TBC1D5: variants seen among roughly 807,000 people sequenced by gnomAD.
TBC1D5 encodes the protein TBC1 domain family, member 5.
In TBC1D5, 75 loss-of-function variants were observed where a neutral mutation model predicts 100.3. The ratio of observed to expected loss-of-function variants is 0.75; its 90% CI spans 0.62 to 0.91. The LOEUF (loss-of-function observed/expected upper bound fraction) is 0.91. Ranked by LOEUF, TBC1D5 falls within the 40% of genes least tolerant of loss-of-function variation. TBC1D5 has a pLI of 0.00. For missense variants in TBC1D5, 910 were observed against 942.4 expected (o/e 0.97, Z 0.45); for synonymous variants, 323 against 325.6 (o/e 0.99, Z 0.09).
rs557440858 is a variant in TBC1D5, at chr3:17,735,806, G to A, written c.-101+3537C>T. On this transcript the variant is annotated intron_variant, in intron 1 of 21. Transcript: ENST00000253692. Reference sequence around the variant, plus strand: ...GGGTGGAAGTCAGCAGCAGGTGTGCGACGACAGCAAACAGCAGTGGTGGAT... The same window carrying A: ...GGGTGGAAGTCAGCAGCAGGTGTGCAACGACAGCAAACAGCAGTGGTGGAT... Among the ~76,000 whole-genome samples the A allele has an allele frequency of 5.3e-5, 8 of 152,330 alleles. No homozygotes were observed. The South Asian group carries it at 1.5e-3, about 28-fold the overall frequency.
At chr3:17,742,031 T>C (rs1394781075), upstream of TBC1D5, among the ~76,000 whole-genome samples, 2 of 151,970 alleles carry the variant, frequency 1.3e-5, no homozygotes, top group Non-Finnish European at 2.9e-5. Context: ...AACATGGAAA[T>C]TTACTAAGTA....
intron 9 of TBC1D5, among the ~76,000 whole-genome samples, chr3:17,380,445 G>A (rs1992736): frequency 0.76 from 115,559 of 151,812 alleles, 45,021 homozygotes; most frequent in African/African-American, 0.94. Context: ...TTACATAGAC[G>A]TCTTTAAAAG....
rs530272064 is a variant in TBC1D5 at position 17,588,492 on chromosome 3, G to C, written c.-36+35357C>G. 2.0e-5 allele frequency among the ~76,000 whole-genome samples: 3 copies of C among 152,188 alleles called. No individual in the cohort carries two copies. In the East Asian group the frequency reaches 5.8e-4, roughly 29 times the overall value. ...CATGCACATACAAAAATTATTGTCA[G>C]TGTATAAGTTACTGCTGCCCTGGGA... On this transcript the variant is annotated intron_variant, in intron 2 of 21. Coordinates refer to ENST00000253692, the Ensembl canonical transcript of TBC1D5.
intron 13 of TBC1D5, among the ~76,000 whole-genome samples, chr3:17,311,085 GGAAA>G (rs1371885670): frequency 6.6e-6 from 1 of 151,846 alleles, no homozygotes; most frequent in Non-Finnish European, 1.5e-5. Flanking sequence ...TTATATTCTT[GGAAA>G]GAAAAACTTA....
chr3:17,602,126 C>G (rs897084992), intron 2 of TBC1D5, among the ~76,000 whole-genome samples: 1 of 152,164 alleles, frequency 6.6e-6, no homozygotes, highest in South Asian at 2.1e-4. Flanking sequence ...CCATTGCGCC[C>G]GGCCAATAAG....
chr3:17,598,174 G>T (rs1159390238), intron 2 of TBC1D5, among the ~76,000 whole-genome samples: 1 of 152,164 alleles, frequency 6.6e-6, no homozygotes, highest in Non-Finnish European at 1.5e-5. Flanking sequence ...AGAAGCTGCA[G>T]ATTCAACTTG....
chr3:17,351,336 C>T (rs769837793), intron 13 of TBC1D5, among the ~76,000 whole-genome samples: 2 of 152,066 alleles, frequency 1.3e-5, no homozygotes, highest in Non-Finnish European at 1.5e-5. Flanking sequence ...AACCCAAATG[C>T]CCTTCAATGT....
chr3:17,604,000 T>C (rs1055125232), intron 2 of TBC1D5, among the ~76,000 whole-genome samples: 8 of 152,222 alleles, frequency 5.3e-5, no homozygotes, highest in Non-Finnish European at 1.2e-4. Flanking sequence ...AGCTTATTCT[T>C]GAATTCCTTC....
chr3:17,621,958 G>A (rs2062693717), intron 2 of TBC1D5, among the ~76,000 whole-genome samples: 1 of 152,074 alleles, frequency 6.6e-6, no homozygotes, highest in African/African-American at 2.4e-5. Context: ...CAAACACTAA[G>A]AACAGTCAGT....
At chr3:17,486,524 G>A (rs915767126) in intron 3 of TBC1D5, among the ~76,000 whole-genome samples, 1 of 152,114 alleles carries the variant, frequency 6.6e-6, no homozygotes, top group Non-Finnish European at 1.5e-5. Context: ...CACAGTACAT[G>A]AGTAGTAGTG....
At chr3:17,262,714 C>G (rs1048288831) in intron 15 of TBC1D5, among the ~76,000 whole-genome samples, 1 of 151,916 alleles carries the variant, frequency 6.6e-6, no homozygotes, top group Admixed American at 6.6e-5. Context: ...ATCTCCTGAC[C>G]TCATGATCCA....
intron 13 of TBC1D5, among the ~76,000 whole-genome samples, chr3:17,325,289 TG>T (rs2085946289): frequency 6.9e-6 from 1 of 144,936 alleles, no homozygotes; most frequent in African/African-American, 2.5e-5. Context: ...AAAAAAGAAA[TG>T]AACTATTGAT....
chr3:17,443,789 G>T (rs2094719290), intron 3 of TBC1D5, among the ~76,000 whole-genome samples: 1 of 152,094 alleles, frequency 6.6e-6, no homozygotes. Context: ...TCATAGATGG[G>T]CTCTGTAATG....
At chr3:17,462,861 T>C (rs1178389526) in intron 3 of TBC1D5, among the ~76,000 whole-genome samples, 1 of 152,198 alleles carries the variant, frequency 6.6e-6, no homozygotes, top group African/African-American at 2.4e-5. Flanking sequence ...TGCCATGACC[T>C]ATCTTCTTTT....
intron 3 of TBC1D5, among the ~76,000 whole-genome samples, chr3:17,446,509 C>A (rs2094798503): frequency 6.6e-6 from 1 of 151,556 alleles, no homozygotes; most frequent in South Asian, 2.1e-4. Flanking sequence ...ATCACAAATT[C>A]AATTTTGGAC....
chr3:17,425,847 A>C (rs1376150605), intron 4 of TBC1D5, among the ~76,000 whole-genome samples: 3 of 152,196 alleles, frequency 2.0e-5, no homozygotes, highest in African/African-American at 7.2e-5. Flanking sequence ...TGATCACAAA[A>C]GAATTAATAC....
chr3:17,415,471 C>T (rs1230651015), intron 4 of TBC1D5, among the ~76,000 whole-genome samples: 1 of 151,846 alleles, frequency 6.6e-6, no homozygotes. Flanking sequence ...CAAAAACAAA[C>T]AAACAAAAAA....
At chr3:17,499,225 G>A (rs2095753871) in intron 3 of TBC1D5, among the ~76,000 whole-genome samples, 1 of 152,132 alleles carries the variant, frequency 6.6e-6, no homozygotes, top group Admixed American at 6.6e-5. Context: ...GGAGTTAACA[G>A]AAGCGTTGGG....
At chr3:17,366,332 CA>C (rs998280059) in intron 13 of TBC1D5, among the ~76,000 whole-genome samples, 5 of 151,138 alleles carry the variant, frequency 3.3e-5, no homozygotes, top group East Asian at 1.9e-4. Context: ...AAAAAACAAA[CA>C]AAAAAAAGGA....
Sources: gnomAD v4.1 joint callset for allele counts (sites outside exome capture counted in the v4.1 genomes callset) on GRCh38, gnomAD v4.1.1 for gene constraint, MANE v1.5 for transcripts, NCBI Gene and HGNC (gene_info 2026-07-23, HGNC 2026-07-21) for gene names.